ADAMTS16: variants seen among roughly 807,000 people sequenced by gnomAD.
ADAMTS16 encodes ADAM metallopeptidase with thrombospondin type 1 motif 16, also known as A disintegrin and metalloproteinase with thrombospondin motifs 16.
Under a neutral mutation model 145.8 loss-of-function variants are expected in ADAMTS16, and 94 were observed. The observed-to-expected ratio is 0.64, with a 90% CI of 0.55 to 0.77. ADAMTS16 has a LOEUF of 0.77. Among genes scored for constraint, ADAMTS16 ranks in the 30% least tolerant of loss-of-function variants. The pLI, the probability that ADAMTS16 is intolerant of heterozygous loss-of-function variation, is 0.00. For synonymous variants in ADAMTS16, 659 were observed against 604.3 expected (o/e 1.09, Z -1.33); for missense variants, 1,585 against 1,591.5 (o/e 1.00, Z 0.07).
chr5:5,142,362 T>C (rs1734191526), intron 2 of ADAMTS16: 1 of 152,264 alleles, frequency 6.6e-6, no homozygotes, highest in Admixed American at 6.5e-5. Context: ...TTATCTGGCT[T>C]GGTAAGAACC....
At chr5:5,172,182 C>G (rs1343072914) in intron 3 of ADAMTS16, among the ~76,000 whole-genome samples, 1 of 151,946 alleles carries the variant, frequency 6.6e-6, no homozygotes, top group Non-Finnish European at 1.5e-5. Context: ...TTTTGTTTAA[C>G]TTTTCAAAAA....
At chr5:5,275,175 C>T (rs536564819) in intron 18 of ADAMTS16, among the ~76,000 whole-genome samples, 1 of 152,278 alleles carries the variant, frequency 6.6e-6, no homozygotes, top group East Asian at 1.9e-4. Context: ...TTTTTAGATA[C>T]AATTAGGCAC....
intron 3 of ADAMTS16, among the ~76,000 whole-genome samples, chr5:5,180,587 T>A (rs1050282536): frequency 6.6e-6 from 1 of 152,222 alleles, no homozygotes; most frequent in Non-Finnish European, 1.5e-5. Context: ...CAACAATTTC[T>A]CTTCAGTCAT....
At chr5:5,181,898 T>G in intron 3 of ADAMTS16, 146 bp from the exon 4 acceptor site, 1 of 902,570 alleles carries the variant, frequency 1.1e-6, no homozygotes, top group Non-Finnish European at 1.6e-6. Context: ...CAGCCGGGGT[T>G]TTTGAACCTT....
intron 3 of ADAMTS16, among the ~76,000 whole-genome samples, chr5:5,173,530 G>A: frequency 6.6e-6 from 1 of 151,538 alleles, no homozygotes; most frequent in Non-Finnish European, 1.5e-5. Context: ...CTCGAGTGCA[G>A]TGGCGTGATC....
intron 18 of ADAMTS16, among the ~76,000 whole-genome samples, chr5:5,278,752 T>C (rs1389548908): frequency 1.3e-5 from 2 of 152,228 alleles, no homozygotes; most frequent in Non-Finnish European, 2.9e-5. Context: ...ATAGATACAG[T>C]GTTTATTTAG....
intron 9 of ADAMTS16, among the ~76,000 whole-genome samples, chr5:5,203,604 AC>A (rs1736013512): frequency 6.6e-6 from 1 of 152,198 alleles, no homozygotes; most frequent in South Asian, 2.1e-4. Context: ...GAATTCATCA[AC>A]CTAGTCAATA....
chr5:5,209,813 A>G (rs1736226427), intron 10 of ADAMTS16, among the ~76,000 whole-genome samples: 2 of 152,196 alleles, frequency 1.3e-5, no homozygotes, highest in Admixed American at 1.3e-4. Flanking sequence ...GAAAATCGAG[A>G]TTTAGGAACC....
chr5:5,239,952 G>C (rs1207255099), intron 16 of ADAMTS16, 27 bp downstream of exon 16: 2 of 1,610,336 alleles, frequency 1.2e-6, no homozygotes, highest in South Asian at 2.2e-5. Flanking sequence ...TGATTTTGGG[G>C]CTTGGATTTT....
intron 11 of ADAMTS16, among the ~76,000 whole-genome samples, chr5:5,231,893 G>T (rs1736935485): frequency 6.6e-6 from 1 of 152,112 alleles, no homozygotes; most frequent in Admixed American, 6.6e-5. Context: ...CAGGTGCTTT[G>T]GGGGGAAAGC....
At chr5:5,253,758 T>A (rs1271088751) in intron 17 of ADAMTS16, among the ~76,000 whole-genome samples, 2 of 152,128 alleles carry the variant, frequency 1.3e-5, no homozygotes, top group Non-Finnish European at 2.9e-5. Flanking sequence ...ATCCACAGGC[T>A]CTTTCTCAGC....
At chr5:5,239,972 C>T in intron 16 of ADAMTS16, 47 bp downstream of exon 16, 2 of 1,602,422 alleles carry the variant, frequency 1.2e-6, no homozygotes, top group Non-Finnish European at 1.7e-6. Context: ...TGGGGGTGTT[C>T]TGGTGTCTGT....
chr5:5,145,334 A>C (rs1451364821), intron 2 of ADAMTS16, among the ~76,000 whole-genome samples: 2 of 152,248 alleles, frequency 1.3e-5, no homozygotes, highest in African/African-American at 4.8e-5. Context: ...ATTTGATAAT[A>C]ATCTAGGCTC....
chr5:5,297,713 T>G (rs1460715676), intron 18 of ADAMTS16, among the ~76,000 whole-genome samples: 1 of 151,776 alleles, frequency 6.6e-6, no homozygotes, highest in Non-Finnish European at 1.5e-5. Flanking sequence ...CCTCCACACC[T>G]TTGGCTCCTC....
At position 5,146,324 on chromosome 5, in the gene ADAMTS16, A is replaced by C; in HGVS notation, c.370A>C (p.Ile124Leu). Residue 124 changes from isoleucine (I) to leucine (L), a missense_variant, in exon 3 of 23, where the codon ATT becomes CTT. Coordinates refer to ENST00000274181, the MANE Select transcript of ADAMTS16 (RefSeq NM_139056.4). ...TSSSLVAPGF[I>L]VQTLGKTGTK... is the part of the protein sequence containing the mutation. ...CAGCAGCCTAGTGGCTCCTGGCTTT[A>C]TTGTGCAGACGTTGGGAAAGACAGG... 1.2e-6 allele frequency: 2 copies of C among 1,614,128 alleles called. No homozygotes were observed. Among genetic ancestry groups the C allele is most frequent in the Non-Finnish European group, 1.7e-6 (2 of 1,180,020 alleles).
chr5:5,276,557 G>A (rs188361933), intron 18 of ADAMTS16, among the ~76,000 whole-genome samples: 1 of 152,340 alleles, frequency 6.6e-6, no homozygotes, highest in East Asian at 1.9e-4. Flanking sequence ...CTATGATGCA[G>A]AGTTCCTAGA....
intron 3 of ADAMTS16, among the ~76,000 whole-genome samples, chr5:5,149,724 C>T (rs945923532): frequency 6.6e-6 from 1 of 152,162 alleles, no homozygotes; most frequent in Non-Finnish European, 1.5e-5. Context: ...GTTCTCACTT[C>T]CCCTAATTTC....
intron 18 of ADAMTS16, among the ~76,000 whole-genome samples, chr5:5,273,133 C>G (rs1490484556): frequency 1.3e-5 from 2 of 152,172 alleles, no homozygotes; most frequent in Non-Finnish European, 2.9e-5. Context: ...CCCACCTGAT[C>G]GTCTTTGGGT....
At chr5:5,206,284 G>C (rs997510337) in intron 9 of ADAMTS16, among the ~76,000 whole-genome samples, 1 of 146,922 alleles carries the variant, frequency 6.8e-6, no homozygotes, top group South Asian at 2.3e-4. Flanking sequence ...AAATTAGCCG[G>C]GCGTAGTGGC....
Sources: gnomAD v4.1 joint callset for allele counts (sites outside exome capture counted in the v4.1 genomes callset) on GRCh38, gnomAD v4.1.1 for gene constraint, MANE v1.5 for transcripts, NCBI Gene and HGNC (gene_info 2026-07-23, HGNC 2026-07-21) for gene names.